Variants in PPME1 observed in about 807,000 individuals in gnomAD.
PPME1 encodes testicular secretory protein Li 39.
Under a neutral mutation model 56.9 loss-of-function variants are expected in PPME1, and 17 were observed. That is an observed-to-expected ratio of 0.30 (90% CI 0.20 to 0.45). PPME1 has a LOEUF of 0.45. Among genes scored for constraint, PPME1 ranks in the 20% least tolerant of loss-of-function variants. The pLI is 1.00. For missense variants in PPME1, 357 were observed against 483.2 expected (o/e 0.74, Z 2.45); for synonymous variants, 122 against 156.2 (o/e 0.78, Z 1.63).
chr11:74,242,205 C>G (rs1440459343), intron 9 of PPME1, among the ~76,000 whole-genome samples: 33 of 152,212 alleles, frequency 2.2e-4, no homozygotes, highest in Admixed American at 2.2e-3. Flanking sequence ...AATAAACAGC[C>G]TGTCCCAGCT....
intron 3 of PPME1, among the ~76,000 whole-genome samples, chr11:74,210,234 A>T (rs1448985322): frequency 6.6e-6 from 1 of 152,142 alleles, no homozygotes; most frequent in Non-Finnish European, 1.5e-5. Context: ...TTCACCTCTT[A>T]CCTCACTTGA....
At chr11:74,237,273 G>GTTTTTTTTTTTTTTTT (rs1859214670) in intron 8 of PPME1, among the ~76,000 whole-genome samples, 1 of 134,380 alleles carries the variant, frequency 7.4e-6, no homozygotes, top group African/African-American at 3.4e-5. Flanking sequence ...ATGTCTGGTT[G>GTTTTTTTTTTTTTTTT]TCTTTTTTTT....
intron 3 of PPME1, among the ~76,000 whole-genome samples, chr11:74,210,653 AT>A (rs1192854052): frequency 6.6e-6 from 1 of 152,042 alleles, no homozygotes; most frequent in East Asian, 1.9e-4. Flanking sequence ...TTCCACTTTT[AT>A]CACATGACCT....
chr11:74,243,807 AAAAACAAAAAC>A (rs1404668892), intron 9 of PPME1, among the ~76,000 whole-genome samples: 1 of 150,610 alleles, frequency 6.6e-6, no homozygotes, highest in African/African-American at 2.4e-5. Flanking sequence ...TACTGTGATA[AAAAACAAAAAC>A]AAAACAAAAA....
chr11:74,226,333 A>T (rs1858931384), intron 5 of PPME1, among the ~76,000 whole-genome samples: 1 of 152,232 alleles, frequency 6.6e-6, no homozygotes, highest in Admixed American at 6.5e-5. Flanking sequence ...GTATGAAGTC[A>T]CACAGTCAGT....
intron 9 of PPME1, among the ~76,000 whole-genome samples, chr11:74,239,594 T>G (rs958474540): frequency 1.4e-5 from 2 of 142,242 alleles, no homozygotes; most frequent in African/African-American, 5.8e-5. Context: ...TTTTTTTTTT[T>G]GAGACAGAGT....
At chr11:74,242,878 C>CAAAAAAAAAAAAAA (rs5792649) in intron 9 of PPME1, among the ~76,000 whole-genome samples, 1 of 61,374 alleles carries the variant, frequency 1.6e-5, no homozygotes, top group Non-Finnish European at 2.9e-5. Context: ...GACTCTGTCT[C>CAAAAAAAAAAAAAA]AAAAAAAAAA....
intron 1 of PPME1, among the ~76,000 whole-genome samples, chr11:74,190,046 A>G (rs574716940): frequency 6.6e-6 from 1 of 152,362 alleles, no homozygotes; most frequent in Non-Finnish European, 1.5e-5. Flanking sequence ...CACAAGTCAA[A>G]ACAGAGCAAG....
At chr11:74,213,727 C>T (rs191168515) in intron 3 of PPME1, among the ~76,000 whole-genome samples, 1 of 152,350 alleles carries the variant, frequency 6.6e-6, no homozygotes, top group Non-Finnish European at 1.5e-5. Context: ...TATCCAACAC[C>T]ACCAAAATAG....
At chr11:74,181,921 A>G (rs1383078929) in intron 1 of PPME1, among the ~76,000 whole-genome samples, 1 of 152,246 alleles carries the variant, frequency 6.6e-6, no homozygotes, top group East Asian at 1.9e-4. Context: ...CTTTATGGAC[A>G]CTGAAATTTG....
chr11:74,231,111 G>T (rs1313905572), intron 7 of PPME1, 109 bp downstream of exon 7: 8 of 909,446 alleles, frequency 8.8e-6, no homozygotes, highest in Non-Finnish European at 1.4e-5. Flanking sequence ...AGGCTGGAGT[G>T]CAGTGGCATG....
At chr11:74,199,228 A>G (rs1858079299) in intron 1 of PPME1, among the ~76,000 whole-genome samples, 1 of 152,126 alleles carries the variant, frequency 6.6e-6, no homozygotes, top group African/African-American at 2.4e-5. Context: ...TTTCTTCTCC[A>G]AGCTGGAAGT....
chr11:74,188,219 C>T (rs1281708746), intron 1 of PPME1, among the ~76,000 whole-genome samples: 2 of 141,296 alleles, frequency 1.4e-5, no homozygotes, highest in African/African-American at 2.7e-5. Context: ...GATGGAGTCT[C>T]GCTCTCACCC....
intron 3 of PPME1, among the ~76,000 whole-genome samples, chr11:74,217,852 C>G (rs76918002): frequency 0.1 from 15,887 of 151,998 alleles, 2,174 homozygotes; most frequent in African/African-American, 0.32. Flanking sequence ...AAAGTTGAAA[C>G]CTTTCTTGTA....
chr11:74,205,571 C>T (rs1259156356), intron 3 of PPME1: 1 of 152,192 alleles, frequency 6.6e-6, no homozygotes, highest in African/African-American at 2.4e-5. Context: ...GCACTTTGTT[C>T]CTGGCAGCGG....
intron 9 of PPME1, among the ~76,000 whole-genome samples, chr11:74,241,427 A>G (rs967891711): frequency 6.6e-6 from 1 of 152,158 alleles, no homozygotes; most frequent in Admixed American, 6.5e-5. Flanking sequence ...TTTGTCTATT[A>G]TGAATAATAC....
At chr11:74,247,026 C>G in intron 10 of PPME1, 53 bp from the exon 11 acceptor site, 1 of 1,457,394 alleles carries the variant, frequency 6.9e-7, no homozygotes, top group Admixed American at 1.8e-5. Context: ...ACACTTTTTA[C>G]TTAATACGTG....
rs1859030035 is a variant in PPME1, at chr11:74,230,159, A to G, written c.399-86A>G. On this transcript the variant is annotated intron_variant, in intron 5 of 13. Transcript: ENST00000328257. The surrounding 1 kb of genome is among the most constrained non-coding windows in gnomAD (Gnocchi z 4.9). ...TTTTACAGTTTCCCAGCACTGTTAC[A>G]CACCAAAGAAAGGAACTGGGAAAGA... is the stretch of plus-strand genomic sequence containing the variant. 1 of 1,426,614 alleles carries G rather than the reference A, an allele frequency of 7.0e-7. No homozygotes were observed. Among genetic ancestry groups the G allele is most frequent in the Non-Finnish European group, 9.5e-7 (1 of 1,049,462 alleles). 88.4% of individuals were successfully genotyped at this position (1,426,614 alleles called of 1,614,324 possible).
At chr11:74,201,529 A>T (rs752153254) in intron 1 of PPME1, among the ~76,000 whole-genome samples, 6 of 152,218 alleles carry the variant, frequency 3.9e-5, no homozygotes, top group Non-Finnish European at 7.3e-5. Flanking sequence ...GAAAGGAGTG[A>T]TACAGCATTG....
Sources: allele counts gnomAD v4.1 joint callset (sites outside exome capture counted in the v4.1 genomes callset), GRCh38; gene constraint gnomAD v4.1.1; non-coding constraint Gnocchi (gnomAD v3.1); transcripts MANE v1.5; gene names NCBI Gene and HGNC (gene_info 2026-07-23, HGNC 2026-07-21).